The following TMPRSS9 variants were observed in gnomAD, a reference collection of about 807,000 sequenced individuals.
The protein encoded by TMPRSS9 is transmembrane protease serine 9.
TMPRSS9 carries 113 observed loss-of-function variants against 111.4 expected under a neutral mutation model. The ratio of observed to expected loss-of-function variants is 1.01; its 90% CI spans 0.87 to 1.19. TMPRSS9 has a LOEUF of 1.19. Among genes scored for constraint, TMPRSS9 ranks in the 50% most tolerant of loss-of-function variants. The probability of loss-of-function intolerance (pLI) is 0.00; values close to 1 mark genes in which losing one functional copy is unlikely to be tolerated. For synonymous variants in TMPRSS9, 805 were observed against 659.1 expected (o/e 1.22, Z -3.39); for missense variants, 1,803 against 1,513.1 (o/e 1.19, Z -3.18).
chr19:2,387,534 GGAAAGGAAGGGAAGGGAAA>G (rs1970502597), upstream of TMPRSS9, among the ~76,000 whole-genome samples: 1 of 133,494 alleles, frequency 7.5e-6, no homozygotes, highest in African/African-American at 3.9e-5. Context: ...GGAAGGGAAG[GGAAAGGAAGGGAAGGGAAA>G]GGAAGGGAGG....
intron 2 of TMPRSS9, among the ~76,000 whole-genome samples, 194 bp downstream of exon 3, chr19:2,396,860 G>C (rs1243787540): frequency 6.6e-6 from 1 of 152,184 alleles, no homozygotes; most frequent in African/African-American, 2.4e-5. Context: ...CTGCAAGGCA[G>C]AGCTGTATCC....
At chr19:2,370,602 T>A (rs767008501) in intron 1 of TMPRSS9, among the ~76,000 whole-genome samples, 33 of 152,088 alleles carry the variant, frequency 2.2e-4, no homozygotes, top group Non-Finnish European at 4.6e-4. Context: ...GTGCTGGGAT[T>A]ACAGGCGTGA....
At chr19:2,420,410 C>G (rs1971436247) in intron 13 of TMPRSS9, among the ~76,000 whole-genome samples, 1 of 146,560 alleles carries the variant, frequency 6.8e-6, no homozygotes, top group South Asian at 2.2e-4. Flanking sequence ...TCACTGCACT[C>G]CAGCCCGGGC....
At chr19:2,417,325 G>T (rs1255443336) in intron 12 of TMPRSS9, among the ~76,000 whole-genome samples, 1 of 152,074 alleles carries the variant, frequency 6.6e-6, no homozygotes, top group East Asian at 1.9e-4. Context: ...AATTAGCCGG[G>T]TGTGGTGATG....
At chr19:2,390,675 A>G (rs1177892114) in intron 1 of TMPRSS9, among the ~76,000 whole-genome samples, 3 of 151,396 alleles carry the variant, frequency 2.0e-5, no homozygotes, top group African/African-American at 7.3e-5. Flanking sequence ...AGGCAACATG[A>G]TAAAGCCCTG....
chr19:2,377,488 C>T (rs1160522832), intron 1 of TMPRSS9, among the ~76,000 whole-genome samples: 2 of 57,388 alleles, frequency 3.5e-5, no homozygotes, highest in Non-Finnish European at 6.4e-5. Context: ...CCTCTCTCCC[C>T]CCCACCCCTC....
upstream of TMPRSS9, among the ~76,000 whole-genome samples, chr19:2,388,479 T>C (rs553731496): frequency 6.6e-6 from 1 of 152,260 alleles, no homozygotes; most frequent in African/African-American, 2.4e-5. Flanking sequence ...GCCCTGAGGC[T>C]TAAGACGCTG....
intron 6 of TMPRSS9, among the ~76,000 whole-genome samples, chr19:2,404,931 CAAAAA>C (rs1044091377): frequency 1.3e-5 from 1 of 76,794 alleles, no homozygotes; most frequent in Non-Finnish European, 2.8e-5. Context: ...GACTCCATCT[CAAAAA>C]AAAAAAAAAA....
At chr19:2,389,959 AT>A in intron 1 of TMPRSS9, 32 bp downstream of exon 2, 1 of 1,589,752 alleles carries the variant, frequency 6.3e-7, no homozygotes, top group South Asian at 1.1e-5. Context: ...TGGGTTCGCA[AT>A]ACAAGGGACA....
intron 14 of TMPRSS9, among the ~76,000 whole-genome samples, chr19:2,423,258 G>A (rs566816941): frequency 1.3e-5 from 2 of 151,964 alleles, no homozygotes; most frequent in African/African-American, 4.8e-5. Context: ...GGGCCCAAAA[G>A]AGGTGGAGAA....
chr19:2,415,293 C>G lies in TMPRSS9; in HGVS notation c.1574-377C>G, dbSNP rs1421540218. On this transcript the variant is annotated intron_variant, in intron 10 of 17. Transcript: ENST00000648592. ...ACCCCACACTCTGTTCCGAAACCCCCTAACAATCGTACCCTTCCTTTTCTC... is the reference window on the plus strand; with the variant it reads ...ACCCCACACTCTGTTCCGAAACCCCGTAACAATCGTACCCTTCCTTTTCTC... 2.0e-5 allele frequency among the ~76,000 whole-genome samples: 3 copies of G among 152,068 alleles called. 1 individual carries two copies. Among genetic ancestry groups the G allele is most frequent in the East Asian group, 3.9e-4 (2 of 5,174 alleles).
upstream of TMPRSS9, among the ~76,000 whole-genome samples, chr19:2,388,068 C>T (rs1674159722): frequency 1.3e-5 from 2 of 152,118 alleles, no homozygotes; most frequent in African/African-American, 4.8e-5. Context: ...AGTCTGTGGT[C>T]ACAAATTCTT....
chr19:2,403,681 A>G (rs1243527020), intron 6 of TMPRSS9, among the ~76,000 whole-genome samples: 2 of 146,332 alleles, frequency 1.4e-5, no homozygotes, highest in East Asian at 2.0e-4. Flanking sequence ...ATATAGTGAG[A>G]CCCCATCTCT....
chr19:2,375,314 T>G (rs73919622), intron 1 of TMPRSS9, among the ~76,000 whole-genome samples: 16,844 of 152,196 alleles, frequency 0.11, 1,813 homozygotes, highest in African/African-American at 0.29. Flanking sequence ...GAACTTGGTG[T>G]CCTGCTTGGG....
intron 1 of TMPRSS9, among the ~76,000 whole-genome samples, chr19:2,379,613 T>TTCTCTTTCTTTC (rs1970365742): frequency 8.6e-6 from 1 of 116,702 alleles, no homozygotes; most frequent in Non-Finnish European, 1.8e-5. Context: ...CTAACTTTCT[T>TTCTCTTTCTTTC]TCTCTTTCTT....
intron 1 of TMPRSS9, among the ~76,000 whole-genome samples, chr19:2,362,880 GTGGTTGTGTT>G (rs1354992352): frequency 6.6e-6 from 1 of 151,586 alleles, no homozygotes; most frequent in East Asian, 1.9e-4. Flanking sequence ...GTTGTAATGT[GTGGTTGTGTT>G]TGGTTGTGTG....
At chr19:2,405,242 C>G (rs994093294) in intron 6 of TMPRSS9, 132 bp from the exon 8 acceptor site, 1 of 1,212,350 alleles carries the variant, frequency 8.2e-7, no homozygotes, top group Non-Finnish European at 1.1e-6. Context: ...GTCAGGGAAG[C>G]CAAGGAGGGG....
At chr19:2,362,027 TTGTG>T (rs1387035495) in intron 1 of TMPRSS9, among the ~76,000 whole-genome samples, 1 of 151,976 alleles carries the variant, frequency 6.6e-6, no homozygotes, top group East Asian at 1.9e-4. Flanking sequence ...TGATGTGTGG[TTGTG>T]TGTGGCAATA....
chr19:2,397,102 G>A (rs1040516556), intron 2 of TMPRSS9, among the ~76,000 whole-genome samples: 7 of 151,692 alleles, frequency 4.6e-5, no homozygotes, highest in Non-Finnish European at 1.5e-5. Flanking sequence ...TGTATTTTTA[G>A]TAGAGACGGG....
Sources: allele counts gnomAD v4.1 joint callset (sites outside exome capture counted in the v4.1 genomes callset), GRCh38; gene constraint gnomAD v4.1.1; transcripts MANE v1.5; gene names NCBI Gene and HGNC (gene_info 2026-07-23, HGNC 2026-07-21).